ARHGEF38: variants seen among roughly 807,000 people sequenced by gnomAD.
ARHGEF38 encodes the protein Rho guanine nucleotide exchange factor (GEF) 38.
A neutral mutation model predicts 79.9 loss-of-function variants in ARHGEF38; 79 were observed. The ratio of observed to expected loss-of-function variants is 0.99; its 90% CI spans 0.82 to 1.19. ARHGEF38 has a LOEUF of 1.19. Among genes scored for constraint, ARHGEF38 ranks in the 50% most tolerant of loss-of-function variants. The pLI is 0.00. For synonymous variants in ARHGEF38, 366 were observed against 328.3 expected (o/e 1.11, Z -1.24); for missense variants, 962 against 907.2 (o/e 1.06, Z -0.78).
At chr4:105,629,419 G>A (rs1471776384) in intron 3 of ARHGEF38, among the ~76,000 whole-genome samples, 1 of 152,008 alleles carries the variant, frequency 6.6e-6, no homozygotes, top group African/African-American at 2.4e-5. Flanking sequence ...CTTCATGCAA[G>A]TAGGAAGTTA....
At chr4:105,653,726 C>G (rs1206960304) in intron 7 of ARHGEF38, among the ~76,000 whole-genome samples, 1 of 151,978 alleles carries the variant, frequency 6.6e-6, no homozygotes, top group African/African-American at 2.4e-5. Flanking sequence ...TTTTATAAAC[C>G]CAAAAATGTA....
chr4:105,604,142 G>A (rs557811737), intron 2 of ARHGEF38, among the ~76,000 whole-genome samples: 12 of 152,238 alleles, frequency 7.9e-5, no homozygotes, highest in African/African-American at 2.2e-4. Flanking sequence ...GCAAGGCCAC[G>A]AAGAGCCCCA....
chr4:105,553,548 A>C (rs1360278933), intron 1 of ARHGEF38, among the ~76,000 whole-genome samples: 1 of 152,202 alleles, frequency 6.6e-6, no homozygotes, highest in Non-Finnish European at 1.5e-5. Context: ...TATGGTAAGA[A>C]ATGTTTAGCA....
intron 3 of ARHGEF38, among the ~76,000 whole-genome samples, chr4:105,624,357 T>C (rs942073676): frequency 6.6e-6 from 1 of 152,186 alleles, no homozygotes; most frequent in African/African-American, 2.4e-5. Context: ...GTCGTAAGAA[T>C]TCATGTCAGT....
At chr4:105,668,362 A>G (rs1730834040) in intron 13 of ARHGEF38, among the ~76,000 whole-genome samples, 1 of 151,874 alleles carries the variant, frequency 6.6e-6, no homozygotes, top group African/African-American at 2.4e-5. Context: ...TTGTATTTTT[A>G]GTAGAGTTTA....
chr4:105,579,011 G>T (rs1726646643), intron 1 of ARHGEF38, among the ~76,000 whole-genome samples: 1 of 152,038 alleles, frequency 6.6e-6, no homozygotes, highest in South Asian at 2.1e-4. Flanking sequence ...ATTTTATGCT[G>T]TCAAGAAGTT....
intron 7 of ARHGEF38, among the ~76,000 whole-genome samples, chr4:105,650,953 T>C (rs1051308049): frequency 6.6e-6 from 1 of 152,166 alleles, no homozygotes; most frequent in South Asian, 2.1e-4. Context: ...AAATTGGAAA[T>C]TTATTTAAGA....
At chr4:105,607,137 ATAAACAGGCATG>A (rs1459776079) in intron 2 of ARHGEF38, among the ~76,000 whole-genome samples, 9 of 152,106 alleles carry the variant, frequency 5.9e-5, no homozygotes, top group African/African-American at 2.2e-4. Context: ...ACAGAAGCCT[ATAAACAGGCATG>A]TCGCAGGTGT....
At chr4:105,676,037 A>G (rs1014609887) in intron 13 of ARHGEF38, among the ~76,000 whole-genome samples, 7 of 152,254 alleles carry the variant, frequency 4.6e-5, no homozygotes, top group Non-Finnish European at 1.0e-4. Context: ...TGATAAATCA[A>G]TATCCCAATC....
At position 105,667,137 on chromosome 4, in the gene ARHGEF38, G is replaced by A; in HGVS notation, c.1698G>A (p.Met566Ile). 5 of 1,530,724 alleles carry A rather than the reference G, an allele frequency of 3.3e-6. No individual in the cohort carries two copies. The highest frequency in any genetic ancestry group is 4.4e-6 in the Non-Finnish European group (5 of 1,143,016). The allele number at this position is 1,530,724 out of a possible 1,614,324, so 94.8% of individuals were successfully genotyped here. Residue 566 changes from methionine (M) to isoleucine (I), a missense_variant, in exon 12 of 14, where the codon ATG becomes ATA. By Grantham distance (10) the Met-to-Ile change is conservative. Transcript: ENST00000420470. ...CTCCTTATTTCTCCCAGCCAGAAATGCCACATCAAACTGACATTCATCGCT... is the reference window on the plus strand; with the variant it reads ...CTCCTTATTTCTCCCAGCCAGAAATACCACATCAAACTGACATTCATCGCT... ...KKKPVQILPE[M>I]PHQTDIHRSK... is the part of the protein sequence containing the mutation.
At chr4:105,595,480 A>G (rs1287478263) in intron 2 of ARHGEF38, among the ~76,000 whole-genome samples, 2 of 152,220 alleles carry the variant, frequency 1.3e-5, no homozygotes, top group Non-Finnish European at 1.5e-5. Context: ...AAAAATATAT[A>G]GAGGAAAATA....
chr4:105,669,691 G>C (rs1292563215), intron 13 of ARHGEF38, among the ~76,000 whole-genome samples: 1 of 151,310 alleles, frequency 6.6e-6, no homozygotes, highest in Admixed American at 6.6e-5. Flanking sequence ...TTACAAAGTT[G>C]TACAAGTTTA....
chr4:105,610,689 C>A (rs17035960), intron 2 of ARHGEF38, among the ~76,000 whole-genome samples: 2 of 151,870 alleles, frequency 1.3e-5, no homozygotes, highest in Non-Finnish European at 2.9e-5. Flanking sequence ...GTGATATGGG[C>A]GTTTGAAATC....
At chr4:105,658,178 T>C (rs1730413219) in intron 9 of ARHGEF38, among the ~76,000 whole-genome samples, 1 of 152,116 alleles carries the variant, frequency 6.6e-6, no homozygotes, top group African/African-American at 2.4e-5. Flanking sequence ...TAGGCCAAGG[T>C]GAGAGGATTG....
At chr4:105,659,397 C>G (rs530942124) in intron 10 of ARHGEF38, 32 bp downstream of exon 10, 1 of 1,512,600 alleles carries the variant, frequency 6.6e-7, no homozygotes, top group East Asian at 2.5e-5. Context: ...AGCTAGCTAC[C>G]TTGGCCTACT....
intron 1 of ARHGEF38, among the ~76,000 whole-genome samples, chr4:105,579,289 G>A (rs535389431): frequency 8.5e-5 from 13 of 152,228 alleles, no homozygotes; most frequent in East Asian, 1.9e-4. Context: ...TGGTGAGAGC[G>A]GGCATTCTTG....
chr4:105,618,106 T>C (rs2110498540), intron 3 of ARHGEF38, among the ~76,000 whole-genome samples: 1 of 152,336 alleles, frequency 6.6e-6, no homozygotes. Flanking sequence ...CTTGTTTTAA[T>C]ATGTATAGTA....
At chr4:105,574,806 T>G (rs1362463164) in intron 1 of ARHGEF38, among the ~76,000 whole-genome samples, 1 of 152,138 alleles carries the variant, frequency 6.6e-6, no homozygotes, top group Non-Finnish European at 1.5e-5. Context: ...ATTCTGACAT[T>G]TTAGTGCACC....
chr4:105,559,563 G>A (rs557640728), intron 1 of ARHGEF38, among the ~76,000 whole-genome samples: 1 of 152,100 alleles, frequency 6.6e-6, no homozygotes, highest in South Asian at 2.1e-4. Flanking sequence ...AAACTCTGAG[G>A]GATATGAGAA....
Sources: gnomAD v4.1 joint callset for allele counts (sites outside exome capture counted in the v4.1 genomes callset) on GRCh38, gnomAD v4.1.1 for gene constraint, MANE v1.5 for transcripts, NCBI Gene and HGNC (gene_info 2026-07-23, HGNC 2026-07-21) for gene names.